The following SENP7 variants were observed in gnomAD, a reference collection of about 807,000 sequenced individuals.
The protein encoded by SENP7 is sentrin-specific protease 7.
A neutral mutation model predicts 141.2 loss-of-function variants in SENP7; 64 were observed. The observed-to-expected ratio is 0.45, with a 90% CI of 0.37 to 0.56. The LOEUF (loss-of-function observed/expected upper bound fraction) is 0.56, where lower values mean the gene tolerates loss of function less well. SENP7 is among the 20% of genes least tolerant of loss of function. The pLI is 0.00. For missense variants in SENP7, 1,025 were observed against 1,212.2 expected (o/e 0.85, Z 2.29); for synonymous variants, 382 against 426.4 (o/e 0.90, Z 1.28).
chr3:101,458,595 C>G (rs1325288059), intron 4 of SENP7: 1 of 164,750 alleles, frequency 6.1e-6, no homozygotes, highest in Non-Finnish European at 1.3e-5. Flanking sequence ...TGTTTCTGCC[C>G]CACTCCCACT....
chr3:101,438,934 C>T (rs1382862721), intron 4 of SENP7, among the ~76,000 whole-genome samples: 1 of 130,410 alleles, frequency 7.7e-6, no homozygotes, highest in Admixed American at 8.5e-5. Flanking sequence ...GCCGAGATTG[C>T]AGCCTCTGCC....
At chr3:101,492,622 C>T (rs946422216) in intron 3 of SENP7, among the ~76,000 whole-genome samples, 1 of 152,166 alleles carries the variant, frequency 6.6e-6, no homozygotes, top group East Asian at 1.9e-4. Context: ...ACTAGGGGTA[C>T]GTGTGCCCAG....
chr3:101,490,395 T>G (rs2108088923), intron 3 of SENP7, among the ~76,000 whole-genome samples: 1 of 152,246 alleles, frequency 6.6e-6, no homozygotes, highest in East Asian at 1.9e-4. Flanking sequence ...ATTATGTGAT[T>G]CCATTTTTAT....
intron 4 of SENP7, among the ~76,000 whole-genome samples, chr3:101,437,310 C>A (rs1454850999): frequency 3.9e-5 from 6 of 151,992 alleles, no homozygotes; most frequent in African/African-American, 1.4e-4. Context: ...ATTGATAGTA[C>A]AATAGAGTAA....
intron 4 of SENP7, among the ~76,000 whole-genome samples, chr3:101,445,360 T>C (rs1184369126): frequency 2.0e-5 from 3 of 151,926 alleles, no homozygotes; most frequent in African/African-American, 7.3e-5. Context: ...AAGCAAAAAG[T>C]ATCTACCATC....
chr3:101,331,892 ATAAC>A (rs2059064982), intron 19 of SENP7, 89 bp downstream of exon 19: 2 of 1,254,252 alleles, frequency 1.6e-6, no homozygotes, highest in Non-Finnish European at 1.1e-6. Flanking sequence ...ATGATAGTAA[ATAAC>A]TATACTACCG....
intron 22 of SENP7, 112 bp downstream of exon 22, chr3:101,328,366 T>C (rs2058959913): frequency 1.5e-6 from 1 of 670,662 alleles, no homozygotes. Flanking sequence ...ATTGTTGAAA[T>C]AGATAATAAA....
At chr3:101,462,718 A>C (rs1022493561) in intron 3 of SENP7, among the ~76,000 whole-genome samples, 1 of 151,630 alleles carries the variant, frequency 6.6e-6, no homozygotes, top group African/African-American at 2.4e-5. Context: ...AAATACAAAA[A>C]TTAGCTGGGC....
chr3:101,352,584 C>T (rs536341004), intron 11 of SENP7, among the ~76,000 whole-genome samples: 243 of 152,136 alleles, frequency 1.6e-3, no homozygotes, highest in African/African-American at 5.5e-3. Flanking sequence ...CTAAATCTTA[C>T]ATGTACTATC....
At chr3:101,390,219 C>CAAAAAAA (rs563281627) in intron 6 of SENP7, among the ~76,000 whole-genome samples, 1 of 73,844 alleles carries the variant, frequency 1.4e-5, no homozygotes, top group African/African-American at 5.7e-5. Context: ...GACTCTGTCT[C>CAAAAAAA]AAAAAAAAAA....
chr3:101,448,161 T>C (rs981803018), intron 4 of SENP7, among the ~76,000 whole-genome samples: 11 of 152,160 alleles, frequency 7.2e-5, no homozygotes, highest in South Asian at 2.1e-4. Context: ...AACACAGTAG[T>C]AATGGATCAT....
chr3:101,509,387 T>C (rs933962377), intron 1 of SENP7, among the ~76,000 whole-genome samples: 2 of 152,286 alleles, frequency 1.3e-5, no homozygotes, highest in East Asian at 1.9e-4. Flanking sequence ...AGCCTCCTAA[T>C]TGCCAAATCC....
At chr3:101,506,909 A>C (rs1316107572) in intron 1 of SENP7, among the ~76,000 whole-genome samples, 1 of 152,136 alleles carries the variant, frequency 6.6e-6, no homozygotes, top group Non-Finnish European at 1.5e-5. Context: ...GTTTTTTTAA[A>C]AAATAGCCAG....
intron 3 of SENP7, among the ~76,000 whole-genome samples, chr3:101,464,842 G>T (rs1351965197): frequency 6.6e-6 from 1 of 151,952 alleles, no homozygotes; most frequent in African/African-American, 2.4e-5. Context: ...AAGCAGAAAG[G>T]AGACTAAAAA....
At chr3:101,436,967 C>G (rs2107744908) in intron 4 of SENP7, among the ~76,000 whole-genome samples, 1 of 152,248 alleles carries the variant, frequency 6.6e-6, no homozygotes, top group South Asian at 2.1e-4. Flanking sequence ...TGGAAGTGAT[C>G]TAAGTGCCCA....
rs2059296734 is a variant in SENP7 at position 101,340,309 on chromosome 3, T to G, written c.2241-98A>C. On this transcript the variant is annotated intron_variant, in intron 15 of 23. Coordinates refer to ENST00000394095, the MANE Select transcript of SENP7 (RefSeq NM_020654.5). The stretch of plus-strand genomic sequence containing the variant: ...ACAATAACTGGGCAGTGGTATTCTG[T>G]AACTCAAATCTGTAGGGTAAAAAAC... 1.4e-5 allele frequency: 20 copies of G among 1,391,264 alleles called. No homozygotes were observed. The South Asian group carries it at 2.9e-4, about 20-fold the overall frequency. 86.2% of individuals were successfully genotyped at this position (1,391,264 alleles called of 1,614,324 possible).
At position 101,348,035 on chromosome 3, in the gene SENP7, A is replaced by T; in HGVS notation, c.1674T>A (p.Ile558=). The change falls in exon 13 of 24, where the codon ATT becomes ATA. Residue 558 remains isoleucine, a synonymous_variant. Transcript: ENST00000394095. The stretch of plus-strand genomic sequence containing the variant: ...AATGTGTGGTATCCACTAGCAATGA[A>T]ATCTCATTCAGGGACACTGAAACAA... ...KIPFQVSLNE[I]SLLVDTTHLK... 1 of 1,590,314 alleles carries T rather than the reference A, an allele frequency of 6.3e-7. No homozygotes were observed. Among genetic ancestry groups the T allele is most frequent in the Non-Finnish European group, 8.5e-7 (1 of 1,170,336 alleles).
chr3:101,496,123 T>G (rs377590126), intron 2 of SENP7, among the ~76,000 whole-genome samples: 3 of 152,194 alleles, frequency 2.0e-5, no homozygotes, highest in Non-Finnish European at 4.4e-5. Context: ...ACAAATAAAC[T>G]AGAAGGATAC....
At chr3:101,448,748 A>C (rs562418830) in intron 4 of SENP7, among the ~76,000 whole-genome samples, 1 of 152,174 alleles carries the variant, frequency 6.6e-6, no homozygotes, top group Non-Finnish European at 1.5e-5. Context: ...TCAAAGACCA[A>C]AGGTAGAAAA....
Sources: gnomAD v4.1 joint callset for allele counts (sites outside exome capture counted in the v4.1 genomes callset) on GRCh38, gnomAD v4.1.1 for gene constraint, MANE v1.5 for transcripts, NCBI Gene and HGNC (gene_info 2026-07-23, HGNC 2026-07-21) for gene names.